The following TTC3 variants were observed in gnomAD, a reference collection of about 807,000 sequenced individuals.
TTC3 encodes the protein tetratricopeptide repeat domain 3.
A neutral mutation model predicts 249.6 loss-of-function variants in TTC3; 180 were observed. The observed-to-expected ratio is 0.72, with a 90% CI of 0.64 to 0.82. TTC3 has a LOEUF of 0.82. Ranked by LOEUF, TTC3 falls within the 40% of genes least tolerant of loss-of-function variation. The pLI is 0.00. For synonymous variants in TTC3, 717 were observed against 805.0 expected (o/e 0.89, Z 1.85); for missense variants, 2,061 against 2,398.4 (o/e 0.86, Z 2.94).
exon 33 of TTC3, chr21:37,165,974 G>A (rs1569119533): frequency 1.9e-6 from 3 of 1,614,166 alleles, no homozygotes; most frequent in Non-Finnish European, 2.5e-6. Flanking sequence ...AGATGTGAAG[G>A]CCAAACCAGT....
intron 11 of TTC3, among the ~76,000 whole-genome samples, chr21:37,115,999 C>G (rs938732440): frequency 6.6e-6 from 1 of 152,184 alleles, no homozygotes; most frequent in East Asian, 1.9e-4. Flanking sequence ...TTACCATTAT[C>G]TAATACATTA....
intron 45 of TTC3, among the ~76,000 whole-genome samples, 178 bp downstream of exon 45, chr21:37,200,502 G>A (rs1310333082): frequency 2.0e-5 from 3 of 152,224 alleles, no homozygotes; most frequent in African/African-American, 7.2e-5. Context: ...TCTGCAGGAA[G>A]GGCAGCTCTG....
intron 11 of TTC3, among the ~76,000 whole-genome samples, chr21:37,117,416 T>C (rs1028617609): frequency 5.3e-5 from 8 of 152,188 alleles, no homozygotes; most frequent in South Asian, 4.1e-4. Flanking sequence ...GTCATTCTTT[T>C]GCTTGAAACA....
chr21:37,093,952 G>GT (rs76796609), intron 7 of TTC3, 53 bp from the exon 8 acceptor site: 640 of 1,198,454 alleles, frequency 5.3e-4, no homozygotes, highest in South Asian at 1.0e-3. Flanking sequence ...ATACCAATTT[G>GT]TTTTTTTTTA....
chr21:37,198,574 T>C (rs2085165576), intron 44 of TTC3, among the ~76,000 whole-genome samples: 1 of 152,220 alleles, frequency 6.6e-6, no homozygotes, highest in South Asian at 2.1e-4. Context: ...CACCAGATTG[T>C]ATGAGAAAGA....
At chr21:37,134,516 T>C (rs979214741) in intron 17 of TTC3, among the ~76,000 whole-genome samples, 8 of 152,094 alleles carry the variant, frequency 5.3e-5, no homozygotes, top group Admixed American at 4.6e-4. Flanking sequence ...CTGTGATTTG[T>C]GCAGTGGGGC....
chr21:37,132,323 T>G (rs2147921959), intron 16 of TTC3, among the ~76,000 whole-genome samples: 1 of 145,378 alleles, frequency 6.9e-6, no homozygotes, highest in Non-Finnish European at 1.5e-5. Flanking sequence ...ATATTCAGAT[T>G]CTATTTTTTT....
At chr21:37,111,057 C>A (rs1005672128) in intron 11 of TTC3, among the ~76,000 whole-genome samples, 2 of 152,096 alleles carry the variant, frequency 1.3e-5, no homozygotes, top group African/African-American at 4.8e-5. Flanking sequence ...GAAGGAAGCA[C>A]TAAACATGGA....
chr21:37,098,508 G>C (rs1291447315), intron 10 of TTC3: 2 of 152,276 alleles, frequency 1.3e-5, no homozygotes, highest in African/African-American at 4.8e-5. Context: ...ATCTATCCTT[G>C]TACCTCCTTG....
chr21:37,073,299 C>T (rs1310028519), exon 1 of TTC3: 6 of 293,758 alleles, frequency 2.0e-5, no homozygotes, highest in African/African-American at 6.3e-5. Flanking sequence ...CCGGAGGTGG[C>T]GGCGGCGGCG....
In TTC3 at chr21:37,147,473, TG is replaced by T; in HGVS notation, c.1894-7del. On this transcript the variant is annotated splice_polypyrimidine_tract_variant and splice_region_variant and intron_variant, in intron 21 of 45. Transcript: ENST00000355666. ...GTAATGGTATCATTTTTGTTTATTT[TG>T]TTTTAGATGCTGTTAGAGAAATTTG... 1 of 1,597,722 alleles carries T rather than the reference TG, an allele frequency of 6.3e-7. No individual in the cohort carries two copies. The highest frequency in any genetic ancestry group is 8.5e-7 in the Non-Finnish European group (1 of 1,175,322).
exon 42 of TTC3, chr21:37,195,804 C>A (rs1264550082): frequency 6.2e-7 from 1 of 1,614,090 alleles, no homozygotes; most frequent in Non-Finnish European, 8.5e-7. Flanking sequence ...TGGTGATTCC[C>A]CAGGGGAGGC....
At chr21:37,188,649 A>G (rs1226525361) in intron 39 of TTC3, 54 bp downstream of exon 39, 1 of 1,368,992 alleles carries the variant, frequency 7.3e-7, no homozygotes, top group African/African-American at 1.4e-5. Context: ...TAAAGCTAGG[A>G]CCATTTGAGA....
chr21:37,134,886 G>A (rs1234719366), intron 17 of TTC3, among the ~76,000 whole-genome samples: 1 of 152,094 alleles, frequency 6.6e-6, no homozygotes, highest in Non-Finnish European at 1.5e-5. Context: ...TGTTAGGCAG[G>A]AGTACAGTTA....
intron 41 of TTC3, among the ~76,000 whole-genome samples, chr21:37,192,879 A>G (rs916781031): frequency 6.6e-6 from 1 of 152,240 alleles, no homozygotes. Context: ...ACTTTACAAC[A>G]TGGCTAAACC....
chr21:37,151,953 A>G, exon 26 of TTC3: 2 of 1,607,802 alleles, frequency 1.2e-6, no homozygotes, highest in Non-Finnish European at 1.7e-6. Flanking sequence ...AAAAAAAAGA[A>G]GCAAAAAAGT....
At chr21:37,197,096 CTAT>C (rs768041449) in intron 42 of TTC3, among the ~76,000 whole-genome samples, 20 of 152,156 alleles carry the variant, frequency 1.3e-4, no homozygotes, top group Non-Finnish European at 5.9e-5. Flanking sequence ...GGCATGTGCC[CTAT>C]TATTTCAGTT....
chr21:37,195,434 A>T (rs565338315), intron 41 of TTC3, among the ~76,000 whole-genome samples: 1 of 152,366 alleles, frequency 6.6e-6, no homozygotes, highest in Non-Finnish European at 1.5e-5. Flanking sequence ...TTACAGAGAA[A>T]ATAGTGACTT....
At position 37,157,008 on chromosome 21, in the gene TTC3, A is replaced by C; in HGVS notation, c.2992+102A>C. On this transcript the variant is annotated intron_variant, in intron 28 of 45. Coordinates refer to ENST00000355666, the Ensembl canonical transcript of TTC3. ...AAATATATAACAAAGAAAATAGTGA[A>C]AATTATTATGGTACAATCAGTTTAT... The C allele has an allele frequency of 2.8e-6, 4 of 1,442,502 alleles. No homozygotes were observed. In the East Asian group the frequency reaches 9.3e-5, roughly 34 times the overall value. 89.4% of individuals were successfully genotyped at this position (1,442,502 alleles called of 1,614,324 possible).
Sources: gnomAD v4.1 joint callset for allele counts (sites outside exome capture counted in the v4.1 genomes callset) on GRCh38, gnomAD v4.1.1 for gene constraint, MANE v1.5 for transcripts, NCBI Gene and HGNC (gene_info 2026-07-23, HGNC 2026-07-21) for gene names.